The following MYH13 variants were observed in gnomAD, a reference collection of about 807,000 sequenced individuals.
The protein encoded by MYH13 is myosin heavy chain 13.
MYH13 carries 177 observed loss-of-function variants against 232.1 expected under a neutral mutation model. The ratio of observed to expected loss-of-function variants is 0.76; its 90% CI spans 0.67 to 0.86. The LOEUF is 0.86. MYH13 is among the 40% of genes least tolerant of loss of function. The pLI is 0.00. For missense variants in MYH13, 2,246 were observed against 2,405.9 expected, an observed-to-expected ratio of 0.93 and a Z score of 1.39; for synonymous variants, 884 against 923.5, an observed-to-expected ratio of 0.96 and a Z score of 0.78.
chr17:10,320,166 A>G lies in MYH13; in HGVS notation c.3335T>C (p.Ile1112Thr). ...TGATGCTTTTACTTGCAGTTCTTTA[A>G]TCTTCTTTTGAAACTGCAAACTGTG... ...QVHSLQFQKK[I>T]KELQARIEEL... Residue 1112 changes from isoleucine (I) to threonine (T), a missense_variant, in exon 26 of 41, where the codon ATT becomes ACT. Coordinates refer to ENST00000252172, the MANE Select transcript of MYH13 (RefSeq NM_003802.3). 2 of 1,588,864 alleles carry G rather than the reference A, an allele frequency of 1.3e-6. No homozygotes were observed. The highest frequency in any genetic ancestry group is 1.1e-5 in the South Asian group (1 of 87,380).
chr17:10,345,260 T>C lies in MYH13; in HGVS notation c.1526A>G (p.Glu509Gly). 1 of 1,614,170 alleles carries C rather than the reference T, an allele frequency of 6.2e-7. No individual in the cohort carries two copies. Among genetic ancestry groups the C allele is most frequent in the Non-Finnish European group, 8.5e-7 (1 of 1,180,010 alleles). ...EQEEYKKEGI[E>G]WEFIDFGMDL... ...CATTCCGAAGTCAATGAACTCCCAC[T>C]CGATGCCTTCCTTCTTGTACTCTTC... Residue 509 changes from glutamate (E) to glycine (G), a missense_variant, in exon 15 of 41, where the codon GAG (glutamate) becomes GGG (glycine). Glu to Gly is a moderately conservative substitution (Grantham distance 98). Transcript: ENST00000252172.
chr17:10,312,212 G>T, intron 31 of MYH13, 136 bp from the exon 32 acceptor site: 2 of 978,950 alleles, frequency 2.0e-6, no homozygotes, highest in Non-Finnish European at 3.0e-6. Context: ...GAGGAGCACT[G>T]TTCTAGATCA....
chr17:10,364,969 G>T (rs947176216), intron 2 of MYH13, among the ~76,000 whole-genome samples: 2 of 151,984 alleles, frequency 1.3e-5, no homozygotes, highest in Non-Finnish European at 2.9e-5. Context: ...CGCCTCCCAG[G>T]TTCAAGCGAT....
At chr17:10,322,857 T>C (rs941265220) in intron 23 of MYH13, among the ~76,000 whole-genome samples, 2 of 152,082 alleles carry the variant, frequency 1.3e-5, no homozygotes, top group South Asian at 2.1e-4. Flanking sequence ...ATGGTCTCGA[T>C]CTCCTGACCT....
At chr17:10,364,251 T>A in intron 3 of MYH13, 76 bp downstream of exon 3, 2 of 1,421,336 alleles carry the variant, frequency 1.4e-6, no homozygotes, top group Admixed American at 1.9e-5. Flanking sequence ...AGGACCAGCA[T>A]GCAATTTCTA....
chr17:10,340,161 G>A lies in MYH13; in HGVS notation c.2045C>T (p.Thr682Ile). 6.2e-7 allele frequency: 1 copy of A among 1,613,444 alleles called. No homozygotes were observed. The highest frequency in any genetic ancestry group is 8.5e-7 in the Non-Finnish European group (1 of 1,179,568). The change falls in exon 18 of 41, where the codon ACC becomes ATC. Residue 682 changes from threonine (T) to isoleucine (I), a missense_variant. Physicochemically the swap from Thr to Ile is moderately conservative, Grantham distance 89. Coordinates refer to ENST00000252172, the MANE Select transcript of MYH13 (RefSeq NM_003802.3). ...CTGCTGGTACTCACCAGGAGTCTTG[G>A]TCTCATTGGGAATCAGACATCGTAC... ...HFVRCLIPNE[T>I]KTPGVMDHYL...
At chr17:10,312,196 A>G (rs1278800840) in intron 31 of MYH13, 120 bp from the exon 32 acceptor site, 1 of 1,106,218 alleles carries the variant, frequency 9.0e-7, no homozygotes, top group Non-Finnish European at 1.3e-6. Flanking sequence ...GGGACTGAAG[A>G]AGGAGGAGGA....
In MYH13 at chr17:10,301,663, A is replaced by T; in HGVS notation, c.5708T>A (p.Val1903Asp). 6.2e-7 allele frequency: 1 copy of T among 1,613,486 alleles called. No homozygotes were observed. The highest frequency in any genetic ancestry group is 8.5e-7 in the Non-Finnish European group (1 of 1,179,876). ...ANTQLSRCRR[V>D]QHELEEAAER... ...CGCGGCCTCCTCTAGCTCATGCTGG[A>T]CTCTCCGGCATCTGGACAGCTGCGT... Residue 1903 changes from valine to aspartate, a missense_variant, in exon 40 of 41, where the codon GTC becomes GAC. Coordinates refer to ENST00000252172, the MANE Select transcript of MYH13 (RefSeq NM_003802.3).
chr17:10,364,405 A>G lies in MYH13; in HGVS notation c.126T>C (p.Asp42=). 6.2e-7 allele frequency: 1 copy of G among 1,613,816 alleles called. No individual in the cohort carries two copies. The highest frequency in any genetic ancestry group is 8.5e-7 in the Non-Finnish European group (1 of 1,179,832). ...TGCCTTTCACATACATTTCCTTATT[A>G]TCCGCTACAAAGCAGGCTTTCTTGG... ...FDSKKACFVA[D]NKEMYVKGMI... The change falls in exon 3 of 41, where the codon GAT becomes GAC. Residue 42 remains aspartate, a synonymous_variant. Coordinates refer to ENST00000252172, the MANE Select transcript of MYH13 (RefSeq NM_003802.3).
chr17:10,308,888 A>G (rs1428315202), intron 35 of MYH13, among the ~76,000 whole-genome samples: 1 of 152,198 alleles, frequency 6.6e-6, no homozygotes, highest in Admixed American at 6.5e-5. Context: ...CGGGTCAAAA[A>G]TAATTATTTT....
At chr17:10,364,627 G>C in intron 2 of MYH13, 85 bp from the exon 3 acceptor site, 2 of 1,195,220 alleles carry the variant, frequency 1.7e-6, no homozygotes, top group Non-Finnish European at 2.4e-6. Flanking sequence ...TATTAAAACG[G>C]GGCCAGATTC....
In MYH13 at chr17:10,362,353, C is replaced by T. The variant is rs200770578; in HGVS notation, c.348+7G>A. 6,673 of 1,614,122 alleles carry T rather than the reference C, an allele frequency of 4.1e-3. 35 individuals carry two copies. Among genetic ancestry groups the T allele is most frequent in the South Asian group, 0.011 (966 of 91,074 alleles). On this transcript the variant is annotated splice_region_variant and intron_variant, in intron 4 of 40. Transcript: ENST00000252172. The stretch of plus-strand genomic sequence containing the variant: ...CATGAAATAAAAAGGTGTTTACAGA[C>T]ACTCACGTAGATCATCCAGGCTGCA...
intron 21 of MYH13, 23 bp downstream of exon 21, chr17:10,330,364 G>A (rs1567663729): frequency 6.2e-7 from 1 of 1,613,064 alleles, no homozygotes; most frequent in Admixed American, 1.7e-5. Context: ...GCAGGATAAG[G>A]TGGAGGTGAG....
chr17:10,315,997 A>G lies in MYH13; in HGVS notation c.3767T>C (p.Val1256Ala). ...TTTGATTTCACTAAATTGATCTTCTACCGTCCGGCACGTTCTTTCTATGTT... is the reference window on the plus strand; with the variant it reads ...TTTGATTTCACTAAATTGATCTTCTGCCGTCCGGCACGTTCTTTCTATGTT... The part of the protein sequence containing the change: ...KSNIERTCRT[V>A]EDQFSEIKAK... The change falls in exon 28 of 41, where the codon GTA becomes GCA. Residue 1256 changes from valine (V) to alanine (A), a missense_variant. Coordinates refer to ENST00000252172, the MANE Select transcript of MYH13 (RefSeq NM_003802.3). The G allele has an allele frequency of 6.2e-7, 1 of 1,613,978 alleles. No individual in the cohort carries two copies. Among genetic ancestry groups the G allele is most frequent in the Non-Finnish European group, 8.5e-7 (1 of 1,179,886 alleles).
intron 29 of MYH13, among the ~76,000 whole-genome samples, chr17:10,313,784 T>C (rs942976803): frequency 6.6e-6 from 1 of 152,170 alleles, no homozygotes; most frequent in African/African-American, 2.4e-5. Context: ...ATCAGAAGGA[T>C]TGGAACAATT....
chr17:10,333,065 G>A lies in MYH13; in HGVS notation c.2174+9C>T. 1 of 1,534,968 alleles carries A rather than the reference G, an allele frequency of 6.5e-7. No homozygotes were observed. Among genetic ancestry groups the A allele is most frequent in the Non-Finnish European group, 8.8e-7 (1 of 1,131,604 alleles). On this transcript the variant is annotated intron_variant, in intron 19 of 40. Coordinates refer to ENST00000252172, the MANE Select transcript of MYH13 (RefSeq NM_003802.3). ...AAGGAGAGAGATGCACAGGAGAGAG[G>A]GAACCTACCGCTGCTTGAAGTCAGC...
intron 18 of MYH13, 125 bp from the exon 19 acceptor site, chr17:10,333,316 G>A (rs1907477104): frequency 1.4e-6 from 1 of 701,750 alleles, no homozygotes; most frequent in African/African-American, 1.7e-5. Context: ...GGGAGAGTCA[G>A]TGCCAGCTCC....
rs762053114 is a variant in MYH13 at position 10,301,600 on chromosome 17, A to G, written c.5771T>C (p.Leu1924Pro). The change falls in exon 40 of 41, where the codon CTG becomes CCG. Residue 1924 changes from leucine (L) to proline (P), a missense_variant. By Grantham distance (98) the Leu-to-Pro change is moderately conservative. Transcript: ENST00000252172. ...ADIAESQVNK[L>P]RAKSRDVGSQ... ...GCCCACGTCTCGGCTCTTGGCCCTC[A>G]GCTTGTTGACCTGGGACTCAGCGAT... The G allele has an allele frequency of 6.2e-7, 1 of 1,614,072 alleles. No homozygotes were observed. Among genetic ancestry groups the G allele is most frequent in the Admixed American group, 1.7e-5 (1 of 60,022 alleles).
intron 39 of MYH13, among the ~76,000 whole-genome samples, chr17:10,302,047 T>C (rs1906112664): frequency 6.6e-6 from 1 of 152,054 alleles, no homozygotes; most frequent in Non-Finnish European, 1.5e-5. Flanking sequence ...ATGGCCCAAG[T>C]CTCCCTCGTC....
Sources: allele counts gnomAD v4.1 joint callset (sites outside exome capture counted in the v4.1 genomes callset), GRCh38; gene constraint gnomAD v4.1.1; transcripts MANE v1.5; gene names NCBI Gene and HGNC (gene_info 2026-07-23, HGNC 2026-07-21).